Variants in SH3GL2 observed in about 807,000 individuals in gnomAD.
The protein encoded by SH3GL2 is endophilin-A1.
In SH3GL2, 24 loss-of-function variants were observed where a neutral mutation model predicts 46.0. That is an observed-to-expected ratio of 0.52 (90% CI 0.38 to 0.73). The LOEUF (loss-of-function observed/expected upper bound fraction) is 0.73. Among genes scored for constraint, SH3GL2 ranks in the 30% least tolerant of loss-of-function variants. The pLI is 0.00. For synonymous variants in SH3GL2, 196 were observed against 147.1 expected (o/e 1.33, Z -2.40); for missense variants, 413 against 424.2 (o/e 0.97, Z 0.23).
chr9:17,717,365 A>T (rs1479443022), intron 1 of SH3GL2, among the ~76,000 whole-genome samples: 1 of 152,026 alleles, frequency 6.6e-6, no homozygotes, highest in Non-Finnish European at 1.5e-5. Context: ...CCTCCATCCA[A>T]ATTTGTCTAG....
chr9:17,613,789 A>G (rs951011231), intron 1 of SH3GL2, among the ~76,000 whole-genome samples: 1 of 152,194 alleles, frequency 6.6e-6, no homozygotes, highest in East Asian at 1.9e-4. Flanking sequence ...TGCTTTGACT[A>G]TGGCACACGG....
chr9:17,703,696 C>G (rs1196205902), intron 1 of SH3GL2, among the ~76,000 whole-genome samples: 1 of 151,976 alleles, frequency 6.6e-6, no homozygotes, highest in Non-Finnish European at 1.5e-5. Flanking sequence ...GAACTAAAGA[C>G]AAAAACCACA....
intron 1 of SH3GL2, among the ~76,000 whole-genome samples, chr9:17,595,275 A>G (rs528631917): frequency 2.0e-5 from 3 of 152,332 alleles, no homozygotes; most frequent in Non-Finnish European, 4.4e-5. Flanking sequence ...GTCACCAAGA[A>G]GACGCGAACA....
rs577871311 is a variant in SH3GL2, at chr9:17,630,587, C to T, written c.45+51300C>T. On this transcript the variant is annotated intron_variant, in intron 1 of 8. Transcript: ENST00000380607. ...GCGGTTAAAAAGCAAAAGGCACATGCTATATGACTTTTTGCCTTTTCTTGT... is the reference window on the plus strand; with the variant it reads ...GCGGTTAAAAAGCAAAAGGCACATGTTATATGACTTTTTGCCTTTTCTTGT... Among the ~76,000 whole-genome samples the T allele has an allele frequency of 9.2e-5, 14 of 152,282 alleles. No homozygotes were observed. The South Asian group carries it at 1.9e-3, about 20-fold the overall frequency.
At chr9:17,680,335 A>G (rs1273448031) in intron 1 of SH3GL2, among the ~76,000 whole-genome samples, 9 of 152,134 alleles carry the variant, frequency 5.9e-5, no homozygotes, top group Middle Eastern at 3.2e-3. Flanking sequence ...CAGGGATTCA[A>G]CTTCTTCCTG....
At chr9:17,646,576 T>G (rs1479996095) in intron 1 of SH3GL2, among the ~76,000 whole-genome samples, 1 of 152,196 alleles carries the variant, frequency 6.6e-6, no homozygotes, top group Non-Finnish European at 1.5e-5. Flanking sequence ...TCATGCTTTT[T>G]GTTGATGTTG....
At chr9:17,631,220 G>C (rs1563789975) in intron 1 of SH3GL2, among the ~76,000 whole-genome samples, 1 of 152,170 alleles carries the variant, frequency 6.6e-6, no homozygotes, top group Non-Finnish European at 1.5e-5. Flanking sequence ...AGTTTCCAAG[G>C]CTTCAAGGAA....
At chr9:17,598,903 C>T (rs1034898749) in intron 1 of SH3GL2, among the ~76,000 whole-genome samples, 1 of 152,160 alleles carries the variant, frequency 6.6e-6, no homozygotes, top group Non-Finnish European at 1.5e-5. Context: ...CAGAGTTTGA[C>T]ACTGGCAGTC....
chr9:17,783,044 A>C (rs551141140), intron 3 of SH3GL2, among the ~76,000 whole-genome samples: 1 of 152,092 alleles, frequency 6.6e-6, no homozygotes, highest in South Asian at 2.1e-4. Flanking sequence ...GAACACACAC[A>C]CAGACAGGGG....
chr9:17,705,342 TAAAG>T (rs1247321525), intron 1 of SH3GL2, among the ~76,000 whole-genome samples: 3 of 152,032 alleles, frequency 2.0e-5, no homozygotes, highest in African/African-American at 7.2e-5. Flanking sequence ...GGCAATTTCT[TAAAG>T]AACTTCAAAC....
intron 2 of SH3GL2, among the ~76,000 whole-genome samples, chr9:17,753,079 G>A (rs368589802): frequency 1.7e-4 from 26 of 152,268 alleles, no homozygotes; most frequent in East Asian, 1.9e-4. Context: ...TGGTGTATAC[G>A]TAGCACATTT....
chr9:17,653,543 C>T (rs1204566795), intron 1 of SH3GL2, among the ~76,000 whole-genome samples: 1 of 152,098 alleles, frequency 6.6e-6, no homozygotes, highest in African/African-American at 2.4e-5. Context: ...TCATAATTTT[C>T]TCTGGACTCA....
chr9:17,642,777 G>A (rs531139822), intron 1 of SH3GL2, among the ~76,000 whole-genome samples: 2 of 152,260 alleles, frequency 1.3e-5, no homozygotes, highest in Admixed American at 1.3e-4. Flanking sequence ...TTGAAGTCAG[G>A]TAGCGTGATA....
At chr9:17,754,336 G>A (rs1822929830) in intron 2 of SH3GL2, among the ~76,000 whole-genome samples, 1 of 152,060 alleles carries the variant, frequency 6.6e-6, no homozygotes, top group Non-Finnish European at 1.5e-5. Context: ...CCATTTGTTT[G>A]TATCATCTCT....
chr9:17,661,814 AAACTTT>A (rs144071051), intron 1 of SH3GL2, among the ~76,000 whole-genome samples: 3,213 of 152,284 alleles, frequency 0.021, 116 homozygotes, highest in African/African-American at 0.073. Flanking sequence ...TCCTGAATAT[AAACTTT>A]AACTTTAACA....
At chr9:17,673,494 A>G (rs1166178426) in intron 1 of SH3GL2, among the ~76,000 whole-genome samples, 1 of 151,786 alleles carries the variant, frequency 6.6e-6, no homozygotes, top group Non-Finnish European at 1.5e-5. Context: ...TTGCCTGCTC[A>G]AGTCCATCTT....
At chr9:17,708,540 A>T (rs1821534841) in intron 1 of SH3GL2, among the ~76,000 whole-genome samples, 1 of 152,044 alleles carries the variant, frequency 6.6e-6, no homozygotes, top group African/African-American at 2.4e-5. Context: ...TGTCAAGTAT[A>T]TATTTAACAA....
At chr9:17,724,572 T>TGTGTGTGTGCGG (rs1821976625) in intron 1 of SH3GL2, among the ~76,000 whole-genome samples, 1 of 151,988 alleles carries the variant, frequency 6.6e-6, no homozygotes, top group Non-Finnish European at 1.5e-5. Flanking sequence ...TGTGTGTGGA[T>TGTGTGTGTGCGG]ATGTGTGTGC....
intron 1 of SH3GL2, among the ~76,000 whole-genome samples, chr9:17,593,431 G>A (rs574499235): frequency 1.3e-5 from 2 of 151,864 alleles, no homozygotes; most frequent in African/African-American, 2.4e-5. Context: ...TGGGTTGCTG[G>A]TAGGGAGAAA....
Sources: allele counts gnomAD v4.1 joint callset (sites outside exome capture counted in the v4.1 genomes callset), GRCh38; gene constraint gnomAD v4.1.1; transcripts MANE v1.5; gene names NCBI Gene and HGNC (gene_info 2026-07-23, HGNC 2026-07-21).